The following SYT10 variants were observed in gnomAD, a reference collection of about 807,000 sequenced individuals.
SYT10 encodes the protein synaptotagmin 10.
In SYT10, 31 loss-of-function variants were observed where a neutral mutation model predicts 51.1. The ratio of observed to expected loss-of-function variants is 0.61; its 90% CI spans 0.46 to 0.82. The LOEUF (loss-of-function observed/expected upper bound fraction) is 0.82. Ranked by LOEUF, SYT10 falls within the 40% of genes least tolerant of loss-of-function variation. The probability of loss-of-function intolerance (pLI) is 0.00; values close to 1 mark genes in which losing one functional copy is unlikely to be tolerated. For missense variants in SYT10, 603 were observed against 634.0 expected, an observed-to-expected ratio of 0.95 and a Z score of 0.53; for synonymous variants, 233 against 225.9, an observed-to-expected ratio of 1.03 and a Z score of -0.28.
At chr12:33,377,241 C>T (rs747809611) in intron 6 of SYT10, among the ~76,000 whole-genome samples, 13 of 151,754 alleles carry the variant, frequency 8.6e-5, no homozygotes, top group Non-Finnish European at 1.5e-4. Context: ...CCATTCATCT[C>T]GGCTCACTGC....
At chr12:33,392,985 T>TA (rs71068378) in intron 3 of SYT10, among the ~76,000 whole-genome samples, 3,680 of 59,016 alleles carry the variant, frequency 0.062, 202 homozygotes, top group Non-Finnish European at 0.074. Flanking sequence ...TTTTTGCCAT[T>TA]AAAAAAAAAA....
At chr12:33,377,633 T>TC (rs60369166) in intron 6 of SYT10, among the ~76,000 whole-genome samples, 45,627 of 147,986 alleles carry the variant, frequency 0.31, 8,551 homozygotes, top group African/African-American at 0.52. Flanking sequence ...CTTTTTCTTT[T>TC]TTTTTTTTTT....
At chr12:33,418,672 G>A (rs1866475483) in intron 2 of SYT10, among the ~76,000 whole-genome samples, 2 of 152,136 alleles carry the variant, frequency 1.3e-5, no homozygotes, top group South Asian at 4.1e-4. Context: ...TCACTCACAT[G>A]CCCCAGCTCA....
chr12:33,396,574 A>T (rs1202633977), intron 3 of SYT10, among the ~76,000 whole-genome samples: 1 of 152,156 alleles, frequency 6.6e-6, no homozygotes, highest in Non-Finnish European at 1.5e-5. Context: ...TAAAATTAAC[A>T]CAGAGAGTTA....
intron 3 of SYT10, among the ~76,000 whole-genome samples, chr12:33,391,637 T>A (rs1329757254): frequency 6.6e-6 from 1 of 152,162 alleles, no homozygotes; most frequent in Non-Finnish European, 1.5e-5. Context: ...TTATGGCTAA[T>A]AACAATTATG....
intron 3 of SYT10, among the ~76,000 whole-genome samples, chr12:33,387,745 A>ATTTT (rs1555114269): frequency 1.3e-5 from 1 of 78,960 alleles, no homozygotes; most frequent in African/African-American, 6.4e-5. Context: ...TCCTTCTAAC[A>ATTTT]TGTTTTTTTT....
intron 2 of SYT10, among the ~76,000 whole-genome samples, chr12:33,410,536 G>T (rs1351752052): frequency 8.3e-6 from 1 of 120,900 alleles, no homozygotes; most frequent in Admixed American, 8.3e-5. Context: ...AGGACCTATC[G>T]TTCAATACAT....
chr12:33,409,236 A>G (rs10844585), intron 2 of SYT10, among the ~76,000 whole-genome samples: 14,988 of 152,040 alleles, frequency 0.099, 829 homozygotes, highest in Admixed American at 0.16. Context: ...TTTTTTTTCG[A>G]AATGGGTTCT....
At chr12:33,390,602 G>T (rs1222835104) in intron 3 of SYT10, among the ~76,000 whole-genome samples, 1 of 151,970 alleles carries the variant, frequency 6.6e-6, no homozygotes, top group Non-Finnish European at 1.5e-5. Context: ...TTGCAAGGTA[G>T]ATAGCAAACA....
chr12:33,397,883 TAAGA>T (rs1224219725), intron 3 of SYT10, among the ~76,000 whole-genome samples: 1 of 152,058 alleles, frequency 6.6e-6, no homozygotes, highest in African/African-American at 2.4e-5. Context: ...TATCAGTCAA[TAAGA>T]AAGCTTGTGG....
intron 2 of SYT10, chr12:33,423,810 G>A (rs937316590): frequency 5.3e-6 from 2 of 378,254 alleles, no homozygotes; most frequent in African/African-American, 4.2e-5. Flanking sequence ...GGATAAATTT[G>A]AATTCTTACT....
chr12:33,416,916 G>C (rs1290278808), intron 2 of SYT10, among the ~76,000 whole-genome samples: 3 of 152,154 alleles, frequency 2.0e-5, no homozygotes, highest in Non-Finnish European at 4.4e-5. Flanking sequence ...TTATAGATAG[G>C]AGCATTGATA....
At chr12:33,438,127 C>T (rs1037121661) in intron 1 of SYT10, among the ~76,000 whole-genome samples, 12 of 152,096 alleles carry the variant, frequency 7.9e-5, no homozygotes, top group Admixed American at 3.9e-4. Flanking sequence ...TTGGCTTTGA[C>T]GCAGGGGTGG....
intron 2 of SYT10, among the ~76,000 whole-genome samples, chr12:33,410,548 T>C (rs1318293423): frequency 6.6e-6 from 1 of 152,248 alleles, no homozygotes; most frequent in South Asian, 2.1e-4. Context: ...TCAATACATA[T>C]ATTGCAAATT....
intron 5 of SYT10, among the ~76,000 whole-genome samples, chr12:33,381,506 A>T (rs1375702715): frequency 1.3e-5 from 2 of 152,216 alleles, no homozygotes; most frequent in Admixed American, 1.3e-4. Context: ...CAAAATAATA[A>T]GAGGAAGTAT....
intron 3 of SYT10, among the ~76,000 whole-genome samples, chr12:33,401,026 CAA>C (rs34168304): frequency 6.0e-5 from 8 of 133,454 alleles, no homozygotes; most frequent in African/African-American, 1.6e-4. Flanking sequence ...GATTCTGTCT[CAA>C]AAAAAAAAAA....
chr12:33,390,667 C>T (rs1412377692), intron 3 of SYT10, among the ~76,000 whole-genome samples: 1 of 151,256 alleles, frequency 6.6e-6, no homozygotes, highest in East Asian at 1.9e-4. Context: ...TATGTGTATA[C>T]ACACACACAC....
chr12:33,420,955 C>T (rs1591995195), intron 2 of SYT10, among the ~76,000 whole-genome samples: 1 of 152,152 alleles, frequency 6.6e-6, no homozygotes, highest in Non-Finnish European at 1.5e-5. Flanking sequence ...CCTTGATACC[C>T]TAGCTAGCCA....
Position 33,382,344 on chromosome 12 carries a change from C to G in SYT10, c.1370+5G>C. 6.3e-7 allele frequency: 1 copy of G among 1,586,642 alleles called. No homozygotes were observed. Among genetic ancestry groups the G allele is most frequent in the Non-Finnish European group, 8.6e-7 (1 of 1,167,684 alleles). On this transcript the variant is annotated splice_donor_5th_base_variant and intron_variant, in intron 5 of 6. Transcript: ENST00000228567. ...GCTCTTCAGTGAGAAGAGAGATACA[C>G]ATACCTATCGTAATCCATGACCGCA...
Sources: gnomAD v4.1 joint callset for allele counts (sites outside exome capture counted in the v4.1 genomes callset) on GRCh38, gnomAD v4.1.1 for gene constraint, MANE v1.5 for transcripts, NCBI Gene and HGNC (gene_info 2026-07-23, HGNC 2026-07-21) for gene names.